Variants in PPM1L observed in about 807,000 individuals in gnomAD.
PPM1L encodes the protein protein phosphatase, Mg2+/Mn2+ dependent 1L, also known as protein phosphatase 1L.
A neutral mutation model predicts 31.4 loss-of-function variants in PPM1L; 13 were observed. The observed-to-expected ratio is 0.41, with a 90% CI of 0.27 to 0.66. The LOEUF (loss-of-function observed/expected upper bound fraction) is 0.66, where lower values mean the gene tolerates loss of function less well. PPM1L is among the 30% of genes least tolerant of loss of function. PPM1L has a pLI of 0.29. For synonymous variants in PPM1L, 184 were observed against 175.4 expected, an observed-to-expected ratio of 1.05 and a Z score of -0.39; for missense variants, 326 against 453.7, an observed-to-expected ratio of 0.72 and a Z score of 2.56.
intron 1 of PPM1L, among the ~76,000 whole-genome samples, chr3:160,786,013 A>G (rs1182399324): frequency 6.6e-5 from 10 of 150,618 alleles, no homozygotes; most frequent in Admixed American, 5.3e-4. Context: ...GGGTTGACCA[A>G]TTTATACTTC....
intron 1 of PPM1L, among the ~76,000 whole-genome samples, chr3:160,841,874 T>A (rs1245204040): frequency 6.6e-6 from 1 of 152,240 alleles, no homozygotes; most frequent in African/African-American, 2.4e-5. Flanking sequence ...TTCCTCCTTT[T>A]GGCTTATAAA....
chr3:160,936,280 A>T (rs1714971301), intron 1 of PPM1L, among the ~76,000 whole-genome samples: 1 of 151,960 alleles, frequency 6.6e-6, no homozygotes, highest in South Asian at 2.1e-4. Context: ...TTTAGTGGAG[A>T]TGGGGTTTCA....
At position 161,071,630 on chromosome 3, in the gene PPM1L, G is replaced by C. The variant is rs1021382206; in HGVS notation, c.*2473G>C. The C allele has an allele frequency of 6.6e-6, 1 of 152,192 alleles. No individual in the cohort carries two copies. Among genetic ancestry groups the C allele is most frequent in the Non-Finnish European group, 1.5e-5 (1 of 68,050 alleles). The allele number at this position is 152,192 out of a possible 1,614,324, so 9.4% of individuals were successfully genotyped here. The stretch of plus-strand genomic sequence containing the variant: ...ATGGCTTGTAGATTTTCAAAAGATA[G>C]AAGTTCTAGGCAAAACTGTAGCAGT... On this transcript the variant is annotated 3_prime_UTR_variant, in exon 4 of 4. Coordinates refer to ENST00000498165, the MANE Select transcript of PPM1L (RefSeq NM_139245.4).
At chr3:160,912,784 A>G (rs1004701605) in intron 1 of PPM1L, among the ~76,000 whole-genome samples, 4 of 152,212 alleles carry the variant, frequency 2.6e-5, no homozygotes, top group African/African-American at 4.8e-5. Context: ...GAGCATTGCT[A>G]TAGTCACTGT....
chr3:160,808,714 T>G (rs1432761083), intron 1 of PPM1L, among the ~76,000 whole-genome samples: 1 of 152,146 alleles, frequency 6.6e-6, no homozygotes, highest in Non-Finnish European at 1.5e-5. Flanking sequence ...GACAGTGGCT[T>G]CCCTCACAGA....
chr3:160,861,672 A>T (rs1711895622), intron 1 of PPM1L, among the ~76,000 whole-genome samples: 1 of 152,212 alleles, frequency 6.6e-6, no homozygotes, highest in African/African-American at 2.4e-5. Context: ...ATTACAAAAA[A>T]AAATCTAGTG....
At position 160,773,758 on chromosome 3, in the gene PPM1L, G is replaced by C. The variant is rs1711503212; in HGVS notation, c.399+17051G>C. Among the ~76,000 whole-genome samples the C allele has an allele frequency of 2.6e-5, 4 of 152,212 alleles. No homozygotes were observed. The South Asian group carries it at 8.3e-4, about 32-fold the overall frequency. ...CTTGAGTTTTTGAAGATCTCTAGGAGCCTCATACTTGTCATATGTGAGCCT... is the reference window on the plus strand; with the variant it reads ...CTTGAGTTTTTGAAGATCTCTAGGACCCTCATACTTGTCATATGTGAGCCT... On this transcript the variant is annotated intron_variant, in intron 1 of 3. Transcript: ENST00000498165.
At chr3:160,894,229 GTAGATT>G (rs1360129815) in intron 1 of PPM1L, among the ~76,000 whole-genome samples, 1 of 152,142 alleles carries the variant, frequency 6.6e-6, no homozygotes, top group Non-Finnish European at 1.5e-5. Flanking sequence ...CAATTTAGAT[GTAGATT>G]TAGATTAGAT....
rs1719981552 is a variant in PPM1L at position 161,073,033 on chromosome 3, G to A, written c.*3876G>A. 6.6e-6 allele frequency: 1 copy of A among 152,214 alleles called. No homozygotes were observed. The highest frequency in any genetic ancestry group is 2.1e-4 in the South Asian group (1 of 4,832). 9.4% of individuals were successfully genotyped at this position (152,214 alleles called of 1,614,324 possible). ...CTCTGGATTAAGTCATTGATAGCTA[G>A]ACTTTTGAGCTAGTTAGCTGTAGAA... On this transcript the variant is annotated 3_prime_UTR_variant, in exon 4 of 4. Coordinates refer to ENST00000498165, the MANE Select transcript of PPM1L (RefSeq NM_139245.4).
chr3:161,019,061 C>T (rs770984266), intron 2 of PPM1L, among the ~76,000 whole-genome samples: 7 of 152,136 alleles, frequency 4.6e-5, no homozygotes, highest in African/African-American at 7.2e-5. Context: ...GAAACCACTT[C>T]GGGAAACATT....
Position 160,827,617 on chromosome 3 carries a change from CAT to C in PPM1L, c.399+70911_399+70912del, listed in dbSNP as rs553638505. 1.9e-3 allele frequency among the ~76,000 whole-genome samples: 290 copies of C among 152,150 alleles called. 1 individual carries two copies. The highest frequency in any genetic ancestry group is 6.1e-3 in the African/African-American group (255 of 41,526). On this transcript the variant is annotated intron_variant, in intron 1 of 3. Coordinates refer to ENST00000498165, the MANE Select transcript of PPM1L (RefSeq NM_139245.4). ...AGAGTTAAGATAGAAAGTATAAAAACATGTGGCCAAATCATAATGCCTGACAA... is the reference window on the plus strand; with the variant it reads ...AGAGTTAAGATAGAAAGTATAAAAACGTGGCCAAATCATAATGCCTGACAA...
At position 161,049,970 on chromosome 3, in the gene PPM1L, G is replaced by A. The variant is rs143164071; in HGVS notation, c.575-15433G>A. Among the ~76,000 whole-genome samples the A allele has an allele frequency of 4.9e-4, 74 of 152,194 alleles. 1 individual carries two copies. The South Asian group carries it at 0.01, about 21-fold the overall frequency. ...TCATAATCAGCCTGTTCCTGCTGCC[G>A]TCTGCCACTTTTCCCCCGACCTTCC... On this transcript the variant is annotated intron_variant, in intron 2 of 3. Coordinates refer to ENST00000498165, the MANE Select transcript of PPM1L (RefSeq NM_139245.4).
intron 1 of PPM1L, among the ~76,000 whole-genome samples, chr3:160,856,928 A>G (rs1326107748): frequency 1.3e-5 from 2 of 151,786 alleles, no homozygotes; most frequent in African/African-American, 4.8e-5. Context: ...TTTGTAGTTG[A>G]TTGTTTAATA....
chr3:160,816,686 C>G (rs1213705464), intron 1 of PPM1L, among the ~76,000 whole-genome samples: 1 of 152,048 alleles, frequency 6.6e-6, no homozygotes, highest in Non-Finnish European at 1.5e-5. Flanking sequence ...ATCTAGAAAA[C>G]TATAACTGGA....
intron 2 of PPM1L, among the ~76,000 whole-genome samples, chr3:160,978,122 A>C (rs1311084706): frequency 6.6e-6 from 1 of 152,232 alleles, no homozygotes. Flanking sequence ...GGCTCATCTG[A>C]GGACAAATGC....
intron 2 of PPM1L, among the ~76,000 whole-genome samples, chr3:160,971,523 G>A (rs960591379): frequency 1.3e-5 from 2 of 152,214 alleles, no homozygotes; most frequent in Non-Finnish European, 2.9e-5. Context: ...TGTTATAGGG[G>A]ACGGTAGATG....
intron 2 of PPM1L, among the ~76,000 whole-genome samples, chr3:160,975,243 G>T (rs1483198369): frequency 1.3e-5 from 2 of 151,900 alleles, no homozygotes; most frequent in Non-Finnish European, 2.9e-5. Context: ...TCTCTGTTTT[G>T]GTACCAGTAC....
At chr3:160,887,573 C>CTTTTTTTTTTTTTTTTTTT in intron 1 of PPM1L, among the ~76,000 whole-genome samples, 1 of 142,624 alleles carries the variant, frequency 7.0e-6, no homozygotes, top group Non-Finnish European at 1.5e-5. Context: ...TAATATTCAA[C>CTTTTTTTTTTTTTTTTTTT]TTTTTTTTTT....
rs545678223 is a variant in PPM1L at position 160,854,441 on chromosome 3, G to C, written c.399+97734G>C. 1.3e-3 allele frequency among the ~76,000 whole-genome samples: 193 copies of C among 152,268 alleles called. 1 individual carries two copies. The highest frequency in any genetic ancestry group is 4.4e-3 in the African/African-American group (184 of 41,560). On this transcript the variant is annotated intron_variant, in intron 1 of 3. Coordinates refer to ENST00000498165, the MANE Select transcript of PPM1L (RefSeq NM_139245.4). ...ATGAGTAGGGAACAGTGAAGGATAA[G>C]GGTGAAACCATTCATTGATCCTAAT...
Sources: allele counts gnomAD v4.1 joint callset (sites outside exome capture counted in the v4.1 genomes callset), GRCh38; gene constraint gnomAD v4.1.1; transcripts MANE v1.5; gene names NCBI Gene and HGNC (gene_info 2026-07-23, HGNC 2026-07-21).